ATG16L1: variants seen among roughly 807,000 people sequenced by gnomAD.
ATG16L1 encodes autophagy related 16 like 1, also known as autophagy-related protein 16-1.
In ATG16L1, 37 loss-of-function variants were observed where a neutral mutation model predicts 88.5. That is an observed-to-expected ratio of 0.42 (90% CI 0.32 to 0.55). The LOEUF is 0.55. ATG16L1 is among the 20% of genes least tolerant of loss of function. The pLI is 0.13. For missense variants in ATG16L1, 554 were observed against 752.8 expected, an observed-to-expected ratio of 0.74 and a Z score of 3.09; for synonymous variants, 301 against 281.0, an observed-to-expected ratio of 1.07 and a Z score of -0.71.
In ATG16L1 at chr2:233,290,249, C is replaced by T. The variant is rs1286625974; in HGVS notation, c.1326C>T (p.Cys442=). 13 of 1,613,944 alleles carry T rather than the reference C, an allele frequency of 8.1e-6. No homozygotes were observed. Among genetic ancestry groups the T allele is most frequent in the Non-Finnish European group, 1.1e-5 (13 of 1,179,838 alleles). Residue 442 remains cysteine (C), a splice_region_variant and synonymous_variant, in exon 14 of 18, where the codon TGC becomes TGT. Coordinates refer to ENST00000392017, the MANE Select transcript of ATG16L1 (RefSeq NM_030803.7). ...TAATGATGTTTGCATTTCTTTCAGG[C>T]ATAAAGACAGTGTTTGCAGGATCCA... The part of the protein sequence containing the change: ...LKLWDLRSKV[C]IKTVFAGSSC...
intron 8 of ATG16L1, chr2:233,274,360 C>G (rs1574872183): frequency 2.2e-6 from 1 of 445,044 alleles, no homozygotes; most frequent in African/African-American, 2.0e-5. Flanking sequence ...CTAGCTGTTA[C>G]ATTAAGTTGA....
At chr2:233,284,261 C>T (rs1177632652) in intron 12 of ATG16L1, among the ~76,000 whole-genome samples, 1 of 152,040 alleles carries the variant, frequency 6.6e-6, no homozygotes, top group Non-Finnish European at 1.5e-5. Context: ...TGATCTCCTT[C>T]CTCAGCCTCC....
At chr2:233,276,212 G>A (rs553662821) in intron 9 of ATG16L1, among the ~76,000 whole-genome samples, 1 of 152,142 alleles carries the variant, frequency 6.6e-6, no homozygotes, top group African/African-American at 2.4e-5. Context: ...CCAAGCAAAT[G>A]TAAATATCAC....
intron 8 of ATG16L1, chr2:233,274,136 C>CA: frequency 7.7e-7 from 1 of 1,303,576 alleles, no homozygotes; most frequent in South Asian, 1.3e-5. Context: ...ATCAGATGTT[C>CA]ACGTGCTAAC....
intron 2 of ATG16L1, among the ~76,000 whole-genome samples, chr2:233,258,525 T>C (rs1696973730): frequency 6.6e-6 from 1 of 152,244 alleles, no homozygotes; most frequent in Admixed American, 6.5e-5. Flanking sequence ...AGTATTTTGG[T>C]TAATTTTAGG....
intron 16 of ATG16L1, 71 bp from the exon 17 acceptor site, chr2:233,293,184 GA>G: frequency 1.6e-5 from 22 of 1,344,870 alleles, no homozygotes; most frequent in Non-Finnish European, 2.0e-5. Flanking sequence ...TCCTTCTTGG[GA>G]AAAAGGCCAC....
At chr2:233,264,202 A>G (rs916928873) in intron 4 of ATG16L1, 137 bp downstream of exon 4, 6 of 734,924 alleles carry the variant, frequency 8.2e-6, no homozygotes, top group East Asian at 5.5e-5. Flanking sequence ...CAGTGCATAC[A>G]CACTCTGGGA....
intron 1 of ATG16L1, among the ~76,000 whole-genome samples, chr2:233,252,670 G>A (rs1440885435): frequency 1.3e-5 from 2 of 151,920 alleles, no homozygotes; most frequent in Non-Finnish European, 2.9e-5. Flanking sequence ...TTATAGGCGT[G>A]AGCCACCGAG....
chr2:233,288,204 T>G (rs1699212492), intron 12 of ATG16L1, among the ~76,000 whole-genome samples: 1 of 152,112 alleles, frequency 6.6e-6, no homozygotes, highest in Non-Finnish European at 1.5e-5. Flanking sequence ...TGGTCCGAAG[T>G]TTTCGCTTCT....
intron 4 of ATG16L1, among the ~76,000 whole-genome samples, chr2:233,264,591 G>A (rs1424803415): frequency 6.6e-6 from 1 of 152,160 alleles, no homozygotes; most frequent in Non-Finnish European, 1.5e-5. Flanking sequence ...TCAGGCTTTT[G>A]CTCAGGAAAT....
Position 233,289,850 on chromosome 2 carries a change from C to T in ATG16L1, c.1204-4C>T. ...GCTCACCCTGGCTGTGTTCTCTCTC[C>T]TAGCACACACTCACGGGACACAGTG... On this transcript the variant is annotated splice_region_variant and splice_polypyrimidine_tract_variant and intron_variant, in intron 12 of 17. Coordinates refer to ENST00000392017, the MANE Select transcript of ATG16L1 (RefSeq NM_030803.7). 1.9e-6 allele frequency: 3 copies of T among 1,614,050 alleles called. No homozygotes were observed. The highest frequency in any genetic ancestry group is 8.5e-7 in the Non-Finnish European group (1 of 1,179,902).
At chr2:233,277,820 A>G in intron 10 of ATG16L1, 147 bp downstream of exon 10, 1 of 676,206 alleles carries the variant, frequency 1.5e-6, no homozygotes, top group Non-Finnish European at 2.6e-6. Context: ...ATTTTATGTA[A>G]GGGATCGTTT....
chr2:233,270,068 G>GT lies in ATG16L1; in HGVS notation c.707+2dup. 1 of 1,581,460 alleles carries GT rather than the reference G, an allele frequency of 6.3e-7. No homozygotes were observed. ...CAAAGGAACCTCTACCAGTCGAACA[G>GT]TAAGTAAAGATAAATGAATCAAAAC... On this transcript the variant is annotated splice_donor_variant, in intron 6 of 17. Coordinates refer to ENST00000392017, the MANE Select transcript of ATG16L1 (RefSeq NM_030803.7). LOFTEE classifies it high-confidence loss of function.
intron 2 of ATG16L1, among the ~76,000 whole-genome samples, chr2:233,262,065 C>T (rs533984353): frequency 1.3e-5 from 2 of 152,336 alleles, no homozygotes; most frequent in African/African-American, 2.4e-5. Flanking sequence ...AAAACCTGCT[C>T]CTCCCACAGT....
intron 14 of ATG16L1, among the ~76,000 whole-genome samples, chr2:233,291,053 G>A (rs1180328584): frequency 6.6e-6 from 1 of 152,210 alleles, no homozygotes; most frequent in Non-Finnish European, 1.5e-5. Flanking sequence ...AGAGGAACAT[G>A]TGGAGGAGAG....
intron 6 of ATG16L1, 26 bp from the exon 7 acceptor site, chr2:233,272,940 A>G (rs1698091444): frequency 6.3e-7 from 1 of 1,597,730 alleles, no homozygotes; most frequent in Non-Finnish European, 8.6e-7. Context: ...CAGGAGAATC[A>G]AAGAATGTCT....
At chr2:233,277,924 T>C (rs185769953) in intron 10 of ATG16L1, among the ~76,000 whole-genome samples, 1 of 152,362 alleles carries the variant, frequency 6.6e-6, no homozygotes, top group African/African-American at 2.4e-5. Context: ...TGTTAAGTTA[T>C]GGATATGTTT....
chr2:233,265,715 G>T (rs958383768), intron 5 of ATG16L1, among the ~76,000 whole-genome samples: 4 of 152,060 alleles, frequency 2.6e-5, no homozygotes, highest in Non-Finnish European at 4.4e-5. Flanking sequence ...GGATCCACCC[G>T]CCTCGGCCTC....
intron 2 of ATG16L1, among the ~76,000 whole-genome samples, chr2:233,258,039 ATATATC>A (rs1696938394): frequency 6.6e-6 from 1 of 150,778 alleles, no homozygotes; most frequent in South Asian, 2.1e-4. Flanking sequence ...CTATATATCT[ATATATC>A]TATATCTATC....
Sources: gnomAD v4.1 joint callset for allele counts (sites outside exome capture counted in the v4.1 genomes callset) on GRCh38, gnomAD v4.1.1 for gene constraint, MANE v1.5 for transcripts, NCBI Gene and HGNC (gene_info 2026-07-23, HGNC 2026-07-21) for gene names.